The following SHISA6 variants were observed in gnomAD, a reference collection of about 807,000 sequenced individuals.
SHISA6 encodes shisa family member 6, also known as protein shisa-6.
SHISA6 carries 22 observed loss-of-function variants against 47.9 expected under a neutral mutation model. The ratio of observed to expected loss-of-function variants is 0.46; its 90% CI spans 0.33 to 0.66. The LOEUF (loss-of-function observed/expected upper bound fraction) is 0.66. Ranked by LOEUF, SHISA6 falls within the 30% of genes least tolerant of loss-of-function variation. The pLI is 0.02. For synonymous variants in SHISA6, 388 were observed against 337.8 expected, an observed-to-expected ratio of 1.15 and a Z score of -1.63; for missense variants, 680 against 764.6, an observed-to-expected ratio of 0.89 and a Z score of 1.30.
chr17:11,372,382 C>T lies in SHISA6; in HGVS notation c.800-7032C>T, dbSNP rs546901451. Among the ~76,000 whole-genome samples, 143 of 152,328 alleles carry T rather than the reference C, an allele frequency of 9.4e-4. 1 individual carries two copies. The highest frequency in any genetic ancestry group is 3.4e-3 in the Middle Eastern group (1 of 294). Reference sequence around the variant, plus strand: ...CAGTGGGAATGAGGTGCCCATTCTCCTGGCACTGGGTATCATCAGATTCTT... The same window carrying T: ...CAGTGGGAATGAGGTGCCCATTCTCTTGGCACTGGGTATCATCAGATTCTT... On this transcript the variant is annotated intron_variant, in intron 2 of 5. Coordinates refer to ENST00000441885, the MANE Select transcript of SHISA6 (RefSeq NM_207386.4).
chr17:11,547,826 G>A (rs1186522104), intron 3 of SHISA6, among the ~76,000 whole-genome samples: 1 of 152,178 alleles, frequency 6.6e-6, no homozygotes, highest in Non-Finnish European at 1.5e-5. Context: ...AGAAGATTAA[G>A]AAGAAAAGCG....
intron 3 of SHISA6, among the ~76,000 whole-genome samples, chr17:11,525,638 A>C (rs2071670283): frequency 1.1e-5 from 1 of 93,522 alleles, no homozygotes; most frequent in Non-Finnish European, 2.1e-5. Flanking sequence ...TCTCAAAAAA[A>C]AAAAAAAAAA....
At chr17:11,531,246 T>C (rs2071730136) in intron 3 of SHISA6, among the ~76,000 whole-genome samples, 1 of 148,634 alleles carries the variant, frequency 6.7e-6, no homozygotes, top group African/African-American at 2.5e-5. Context: ...TGTGTGTGTG[T>C]GTGTGTGTGT....
intron 3 of SHISA6, among the ~76,000 whole-genome samples, chr17:11,438,826 T>C (rs1915016174): frequency 6.6e-6 from 1 of 152,202 alleles, no homozygotes; most frequent in South Asian, 2.1e-4. Context: ...ATGACTCACC[T>C]TTAGGGATCT....
chr17:11,440,026 C>T (rs1388755004), intron 3 of SHISA6, among the ~76,000 whole-genome samples: 1 of 152,178 alleles, frequency 6.6e-6, no homozygotes, highest in African/African-American at 2.4e-5. Context: ...AAACAGGAGG[C>T]AGCCTGAGGG....
chr17:11,396,366 G>C (rs1913572375), intron 3 of SHISA6, among the ~76,000 whole-genome samples: 1 of 152,078 alleles, frequency 6.6e-6, no homozygotes, highest in Non-Finnish European at 1.5e-5. Context: ...ATCCTGTTTA[G>C]TATCAATGTT....
chr17:11,458,941 C>T (rs956099300), intron 3 of SHISA6, among the ~76,000 whole-genome samples: 1 of 152,002 alleles, frequency 6.6e-6, no homozygotes, highest in Non-Finnish European at 1.5e-5. Flanking sequence ...CATGGTGGCT[C>T]ACGCCTGTAA....
intron 2 of SHISA6, among the ~76,000 whole-genome samples, chr17:11,376,239 A>G (rs186105526): frequency 1.4e-4 from 21 of 151,880 alleles, no homozygotes; most frequent in Admixed American, 1.1e-3. Flanking sequence ...CAACCCATTA[A>G]CTCTATGCAT....
chr17:11,361,280 A>G (rs1912273945), intron 2 of SHISA6, among the ~76,000 whole-genome samples: 1 of 152,172 alleles, frequency 6.6e-6, no homozygotes, highest in Admixed American at 6.5e-5. Flanking sequence ...TAGAACTGCT[A>G]GTAAATTAGT....
intron 2 of SHISA6, among the ~76,000 whole-genome samples, chr17:11,330,318 T>G (rs1014094977): frequency 6.6e-6 from 1 of 152,136 alleles, no homozygotes; most frequent in African/African-American, 2.4e-5. Flanking sequence ...AAGAGGCTGA[T>G]GTGATTTACC....
At chr17:11,259,407 G>T (rs12150404) in intron 1 of SHISA6, among the ~76,000 whole-genome samples, 1 of 152,098 alleles carries the variant, frequency 6.6e-6, no homozygotes, top group Non-Finnish European at 1.5e-5. Flanking sequence ...GTAAGAGCCA[G>T]TGTCTGGGAC....
intron 2 of SHISA6, among the ~76,000 whole-genome samples, chr17:11,367,217 T>C (rs1912482462): frequency 6.6e-6 from 1 of 152,116 alleles, no homozygotes; most frequent in South Asian, 2.1e-4. Context: ...AGTTTCAGTA[T>C]GAATGAGCCC....
intron 3 of SHISA6, among the ~76,000 whole-genome samples, chr17:11,526,922 T>TATATAC (rs2071690752): frequency 3.8e-5 from 1 of 26,576 alleles, no homozygotes; most frequent in Non-Finnish European, 6.7e-5. Context: ...TATATATATA[T>TATATAC]ATATATATAT....
rs562306284 is a variant in SHISA6, at chr17:11,267,949, G to C, written c.799+4423G>C. On this transcript the variant is annotated intron_variant, in intron 2 of 5. Transcript: ENST00000441885. ...CTAGCGTTGCAGTTCCCTGAGTCCA[G>C]CACCTTAGAGGCTTGCTGTGGGCTT... Among the ~76,000 whole-genome samples, 4 of 152,260 alleles carry C rather than the reference G, an allele frequency of 2.6e-5. No individual in the cohort carries two copies. The East Asian group carries it at 7.8e-4, about 30-fold the overall frequency.
chr17:11,242,532 A>C (rs1305377849), intron 1 of SHISA6, among the ~76,000 whole-genome samples: 1 of 152,178 alleles, frequency 6.6e-6, no homozygotes, highest in East Asian at 1.9e-4. Flanking sequence ...CTCGTACATT[A>C]GGAATTGGGG....
chr17:11,397,623 CCTT>C (rs1913618947), intron 3 of SHISA6, among the ~76,000 whole-genome samples: 1 of 151,576 alleles, frequency 6.6e-6, no homozygotes. Flanking sequence ...TAGGTTCACA[CCTT>C]CTTTTCCTGG....
intron 3 of SHISA6, among the ~76,000 whole-genome samples, chr17:11,522,670 T>G (rs933324621): frequency 6.6e-6 from 1 of 152,226 alleles, no homozygotes; most frequent in South Asian, 2.1e-4. Context: ...TTCTCTATGT[T>G]GCCCAGGCTG....
intron 2 of SHISA6, among the ~76,000 whole-genome samples, chr17:11,309,680 T>G (rs976201809): frequency 1.3e-5 from 2 of 152,246 alleles, no homozygotes; most frequent in East Asian, 3.8e-4. Flanking sequence ...AGCTCTTTAT[T>G]AAATCAAGTG....
In SHISA6 at chr17:11,557,901, C is replaced by A. The variant is rs746532256; in HGVS notation, c.1253C>A (p.Ser418Tyr). The stretch of plus-strand genomic sequence containing the variant: ...CCCCGCCGGCCCATCCGGGCCATGT[C>A]CCAGGACAGGGTCCTGTCCCCGGAT... Reference protein sequence around the residue: ...ERPRRPIRAMSQDRVLSPDRG... With the variant: ...ERPRRPIRAMYQDRVLSPDRG... The change falls in exon 6 of 6, where the codon TCC (serine) becomes TAC (tyrosine). Residue 418 changes from serine to tyrosine, a missense_variant. Physicochemically the swap from Ser to Tyr is moderately radical, Grantham distance 144 (BLOSUM62 -2). Coordinates refer to ENST00000441885, the MANE Select transcript of SHISA6 (RefSeq NM_207386.4). 6.4e-7 allele frequency: 1 copy of A among 1,551,602 alleles called. No homozygotes were observed. Among genetic ancestry groups the A allele is most frequent in the South Asian group, 1.2e-5 (1 of 84,056 alleles).
Sources: allele counts gnomAD v4.1 joint callset (sites outside exome capture counted in the v4.1 genomes callset), GRCh38; gene constraint gnomAD v4.1.1; transcripts MANE v1.5; gene names NCBI Gene and HGNC (gene_info 2026-07-23, HGNC 2026-07-21).